Variants in ANKRD26 observed in about 807,000 individuals in gnomAD.
ANKRD26 encodes the protein ankyrin repeat domain 26.
Under a neutral mutation model 208.7 loss-of-function variants are expected in ANKRD26, and 141 were observed. The ratio of observed to expected loss-of-function variants is 0.68; its 90% CI spans 0.59 to 0.78. The LOEUF (loss-of-function observed/expected upper bound fraction) is 0.78, where lower values mean the gene tolerates loss of function less well. Ranked by LOEUF, ANKRD26 falls within the 30% of genes least tolerant of loss-of-function variation. The pLI, the probability that ANKRD26 is intolerant of heterozygous loss-of-function variation, is 0.00. For synonymous variants in ANKRD26, 636 were observed against 660.4 expected, an observed-to-expected ratio of 0.96 and a Z score of 0.57; for missense variants, 1,889 against 1,938.7, an observed-to-expected ratio of 0.97 and a Z score of 0.48.
chr10:27,018,629 G>A (rs1182235779), intron 29 of ANKRD26, among the ~76,000 whole-genome samples: 2 of 152,056 alleles, frequency 1.3e-5, no homozygotes, highest in African/African-American at 2.4e-5. Context: ...TGCATTCCAA[G>A]GGGTAATAAT....
At chr10:27,094,945 A>G (rs2056418924) in intron 1 of ANKRD26, among the ~76,000 whole-genome samples, 1 of 151,342 alleles carries the variant, frequency 6.6e-6, no homozygotes, top group Non-Finnish European at 1.5e-5. Flanking sequence ...GGCTGTAGTG[A>G]GCTGTGATTG....
exon 6 of ANKRD26, among the ~76,000 whole-genome samples, chr10:26,974,638 C>A (rs965359811): frequency 4.6e-5 from 7 of 152,212 alleles, no homozygotes; most frequent in African/African-American, 1.7e-4. Flanking sequence ...CCGTGCCCGG[C>A]CTACCTCTGC....
chr10:26,970,739 A>G (rs999873808), downstream of ANKRD26, among the ~76,000 whole-genome samples: 4 of 152,260 alleles, frequency 2.6e-5, no homozygotes, highest in Non-Finnish European at 5.9e-5. Flanking sequence ...TGGATCAAGT[A>G]TTAGATTAAA....
intron 18 of ANKRD26, chr10:27,046,059 G>A: frequency 7.1e-6 from 2 of 282,930 alleles, no homozygotes; most frequent in East Asian, 7.1e-5. Flanking sequence ...AAATAAAAAA[G>A]AAAGAAGGCT....
chr10:27,009,074 C>T (rs573906839), intron 32 of ANKRD26, among the ~76,000 whole-genome samples: 28 of 152,230 alleles, frequency 1.8e-4, no homozygotes, highest in Non-Finnish European at 2.6e-4. Flanking sequence ...CTCCTGACCT[C>T]GTGATCCGCC....
chr10:26,983,032 T>C (rs2052331740), intron 3 of ANKRD26, among the ~76,000 whole-genome samples: 1 of 152,196 alleles, frequency 6.6e-6, no homozygotes, highest in Middle Eastern at 3.2e-3. Flanking sequence ...AATTCAGTTT[T>C]GATTGTGGCA....
downstream of ANKRD26, among the ~76,000 whole-genome samples, chr10:26,988,687 G>C (rs1554768015): frequency 6.6e-6 from 1 of 152,108 alleles, no homozygotes; most frequent in Non-Finnish European, 1.5e-5. Context: ...GGGTACAGCT[G>C]ATAGAAGGGT....
the ANKRD26 span, among the ~76,000 whole-genome samples, chr10:26,956,378 T>C: frequency 6.6e-6 from 1 of 152,292 alleles, no homozygotes; most frequent in East Asian, 1.9e-4. Context: ...AGCATAAACA[T>C]AGAAAGTATG....
At chr10:27,054,236 T>C (rs112054444) in intron 15 of ANKRD26, among the ~76,000 whole-genome samples, 1,845 of 152,320 alleles carry the variant, frequency 0.012, 41 homozygotes, top group African/African-American at 0.042. Context: ...TTTATCTATT[T>C]TACTCGATAA....
Position 27,086,619 on chromosome 10 carries a change from G to T in ANKRD26, c.639-10C>A, listed in dbSNP as rs753046841. 40 of 1,596,990 alleles carry T rather than the reference G, an allele frequency of 2.5e-5. No individual in the cohort carries two copies. Among genetic ancestry groups the T allele is most frequent in the Non-Finnish European group, 3.4e-5 (40 of 1,171,388 alleles). On this transcript the variant is annotated splice_polypyrimidine_tract_variant and intron_variant, in intron 4 of 33. Transcript: ENST00000376087. ...AATTAGTTGGTGACTGCTATGTATAGAAAAATGTAACAAAATTATGTTAAT... is the reference window on the plus strand; with the variant it reads ...AATTAGTTGGTGACTGCTATGTATATAAAAATGTAACAAAATTATGTTAAT...
At chr10:27,095,831 A>T (rs1454130816) in intron 1 of ANKRD26, among the ~76,000 whole-genome samples, 6 of 152,194 alleles carry the variant, frequency 3.9e-5, no homozygotes. Context: ...TTTCACCTGC[A>T]ATTGCCTTGA....
Position 27,040,571 on chromosome 10 carries a change from C to T in ANKRD26, c.2162-393G>A, listed in dbSNP as rs532573731. Among the ~76,000 whole-genome samples, 527 of 152,216 alleles carry T rather than the reference C, an allele frequency of 3.5e-3. 1 individual carries two copies. Among genetic ancestry groups the T allele is most frequent in the Middle Eastern group, 0.014 (4 of 294 alleles). ...AAGCAAATGGGGAAGAAAAGCATTC[C>T]AGGCAGTCTGCAGCGTGTGCTGAGG... On this transcript the variant is annotated intron_variant, in intron 20 of 33. Coordinates refer to ENST00000376087, the MANE Select transcript of ANKRD26 (RefSeq NM_014915.3).
exon 6 of ANKRD26, among the ~76,000 whole-genome samples, chr10:26,974,804 G>T (rs752151261): frequency 6.6e-6 from 1 of 152,102 alleles, no homozygotes; most frequent in Non-Finnish European, 1.5e-5. Flanking sequence ...AGAATTCTTC[G>T]CTCTCAGCGT....
chr10:27,001,818 A>T (rs1334668433), downstream of ANKRD26, among the ~76,000 whole-genome samples: 1 of 152,004 alleles, frequency 6.6e-6, no homozygotes, highest in Non-Finnish European at 1.5e-5. Context: ...CAGCAGCTCG[A>T]TTTTTCAGGC....
chr10:27,015,549 G>C (rs778123819), intron 30 of ANKRD26, among the ~76,000 whole-genome samples: 2 of 152,098 alleles, frequency 1.3e-5, no homozygotes, highest in Non-Finnish European at 2.9e-5. Flanking sequence ...GCAGAGCTTT[G>C]TAAGACTATC....
At chr10:26,973,811 G>A (rs180787950), downstream of ANKRD26, among the ~76,000 whole-genome samples, 711 of 151,656 alleles carry the variant, frequency 4.7e-3, 6 homozygotes, top group African/African-American at 0.016. Context: ...ACACCACCAC[G>A]CCTGGCTAAT....
intron 16 of ANKRD26, 76 bp from the exon 17 acceptor site, chr10:27,049,055 T>C: frequency 2.4e-6 from 3 of 1,272,108 alleles, no homozygotes; most frequent in Non-Finnish European, 2.2e-6. Context: ...ATTGAGTTTA[T>C]CATTTGACTC....
intron 32 of ANKRD26, among the ~76,000 whole-genome samples, chr10:27,011,884 A>G (rs2053125931): frequency 1.3e-5 from 2 of 152,198 alleles, no homozygotes; most frequent in Non-Finnish European, 2.9e-5. Context: ...TTAAATTCAC[A>G]TATTTGCTTG....
At chr10:27,010,872 A>T (rs990641414) in intron 32 of ANKRD26, among the ~76,000 whole-genome samples, 1 of 152,186 alleles carries the variant, frequency 6.6e-6, no homozygotes, top group Non-Finnish European at 1.5e-5. Flanking sequence ...ACTCTGAAGC[A>T]TTTAGACCCT....
Sources: gnomAD v4.1 joint callset for allele counts (sites outside exome capture counted in the v4.1 genomes callset) on GRCh38, gnomAD v4.1.1 for gene constraint, MANE v1.5 for transcripts, NCBI Gene and HGNC (gene_info 2026-07-23, HGNC 2026-07-21) for gene names.